KRT2: variants seen among roughly 807,000 people sequenced by gnomAD.
The protein encoded by KRT2 is keratin, type II cytoskeletal 2 epidermal.
KRT2 carries 37 observed loss-of-function variants against 48.5 expected under a neutral mutation model. The observed-to-expected ratio is 0.76, with a 90% CI of 0.59 to 1.00. The LOEUF (loss-of-function observed/expected upper bound fraction) is 1.00. KRT2 is among the 50% of genes least tolerant of loss of function. The pLI is 0.00. For synonymous variants in KRT2, 324 were observed against 312.2 expected (o/e 1.04, Z -0.40); for missense variants, 880 against 815.2 (o/e 1.08, Z -0.97).
In KRT2 at chr12:52,651,552, A is replaced by C. The variant is rs1460947563; in HGVS notation, c.585+6T>G. ...CATCAGTGGGAGCCGTCTTCTCCAG[A>C]GTCACCTTGTCAATGAAGGAGGCAA... On this transcript the variant is annotated splice_donor_region_variant and intron_variant, in intron 1 of 8. Coordinates refer to ENST00000309680, the MANE Select transcript of KRT2 (RefSeq NM_000423.3). 6.2e-7 allele frequency: 1 copy of C among 1,603,904 alleles called. No individual in the cohort carries two copies. Among genetic ancestry groups the C allele is most frequent in the Non-Finnish European group, 8.5e-7 (1 of 1,170,806 alleles).
intron 3 of KRT2, 120 bp from the exon 4 acceptor site, chr12:52,649,222 T>C: frequency 1.4e-6 from 1 of 731,486 alleles, no homozygotes; most frequent in Non-Finnish European, 2.5e-6. Context: ...CTCCCCAACC[T>C]GATCCCTGTC....
intron 1 of KRT2, 154 bp from the exon 2 acceptor site, chr12:52,650,707 C>A (rs565043046): frequency 7.1e-6 from 5 of 706,608 alleles, no homozygotes; most frequent in African/African-American, 5.2e-5. Context: ...TCTGAGCTCC[C>A]TGCTTTCGCC....
chr12:52,650,417 T>C lies in KRT2; in HGVS notation c.722A>G (p.Asp241Gly), dbSNP rs758284785. The C allele has an allele frequency of 6.2e-7, 1 of 1,614,234 alleles. No individual in the cohort carries two copies. Among genetic ancestry groups the C allele is most frequent in the East Asian group, 2.2e-5 (1 of 44,894 alleles). The change falls in exon 2 of 9, where the codon GAT (aspartate) becomes GGT (glycine). Residue 241 changes from aspartate to glycine, a missense_variant. Transcript: ENST00000309680. ...GYIDSLKRYL[D>G]GLTAERTSQN... ...TGATGTTCTTTCTGCAGTGAGCCCA[T>C]CCAGATATCTCTTGAGGCTGTCGAT...
chr12:52,644,964 A>T lies in KRT2; in HGVS notation c.*55T>A, dbSNP rs1258103052. The T allele has an allele frequency of 6.3e-7, 1 of 1,598,776 alleles. No individual in the cohort carries two copies. Among genetic ancestry groups the T allele is most frequent in the Non-Finnish European group, 8.6e-7 (1 of 1,166,380 alleles). ...TAGAGGTACAGAGACAGGCTTCTAC[A>T]TTCTGGAGTGGGAGAGTCTGGGTTG... On this transcript the variant is annotated 3_prime_UTR_variant, in exon 9 of 9. Coordinates refer to ENST00000309680, the MANE Select transcript of KRT2 (RefSeq NM_000423.3).
Position 52,644,941 on chromosome 12 carries a change from G to A in KRT2, c.*78C>T. ...CAAAAATTTAACTTGCTGCCAGTTA[G>A]AGGTACAGAGACAGGCTTCTACATT... On this transcript the variant is annotated 3_prime_UTR_variant, in exon 9 of 9. Coordinates refer to ENST00000309680, the MANE Select transcript of KRT2 (RefSeq NM_000423.3). 1 of 1,505,904 alleles carries A rather than the reference G, an allele frequency of 6.6e-7. No homozygotes were observed. Among genetic ancestry groups the A allele is most frequent in the African/African-American group, 1.4e-5 (1 of 72,260 alleles). 93.3% of individuals were successfully genotyped at this position (1,505,904 alleles called of 1,614,324 possible).
At chr12:52,648,383 C>A (rs776684204) in intron 4 of KRT2, 46 bp from the exon 5 acceptor site, 1 of 1,541,066 alleles carries the variant, frequency 6.5e-7, no homozygotes, top group Middle Eastern at 1.7e-4. Context: ...GCCATAGCTA[C>A]AGGCAGACAG....
At chr12:52,647,633 G>A (rs1941186952) in intron 6 of KRT2, 97 bp downstream of exon 6, 1 of 1,410,892 alleles carries the variant, frequency 7.1e-7, no homozygotes, top group Non-Finnish European at 9.9e-7. Context: ...ATATCTCAGT[G>A]TCTCTCATCT....
Position 52,650,487 on chromosome 12 carries a change from CA to C in KRT2, c.651del (p.Asn217LysfsTer38). 6.2e-7 allele frequency: 1 copy of C among 1,613,730 alleles called. No individual in the cohort carries two copies. Among genetic ancestry groups the C allele is most frequent in the South Asian group, 1.1e-5 (1 of 91,060 alleles). ...QTKWELLQQMNVGTRPINLEP... is the reference protein window; with the variant it reads ...QTKWELLQQMXVGTRPINLEP... ...TCCAGGTTGATGGGGCGGGTGCCAA[CA>C]TTCATTTGTTGTAGCAGCTCCCATT... On this transcript the variant is annotated frameshift_variant, in exon 2 of 9. Transcript: ENST00000309680. LOFTEE classifies it high-confidence loss of function.
intron 7 of KRT2, among the ~76,000 whole-genome samples, chr12:52,646,518 A>G (rs1487976794): frequency 6.6e-6 from 1 of 152,208 alleles, no homozygotes; most frequent in East Asian, 1.9e-4. Context: ...GCTTAGTTTA[A>G]TTTAATGTGC....
rs761668469 is a variant in KRT2, at chr12:52,648,142, C to A, written c.1122+31G>T. Reference sequence around the variant, plus strand: ...GTGCAACCCAGCTCATGGCAGGGAGCTGTGGCTCTTCCTACATTCCCTCTA... The same window carrying A: ...GTGCAACCCAGCTCATGGCAGGGAGATGTGGCTCTTCCTACATTCCCTCTA... On this transcript the variant is annotated intron_variant, in intron 5 of 8. Transcript: ENST00000309680. 6 of 1,612,214 alleles carry A rather than the reference C, an allele frequency of 3.7e-6. No homozygotes were observed. In the Admixed American group the frequency reaches 6.7e-5, roughly 18 times the overall value.
At chr12:52,650,621 C>T in intron 1 of KRT2, 68 bp from the exon 2 acceptor site, 3 of 1,338,820 alleles carry the variant, frequency 2.2e-6, no homozygotes, top group Non-Finnish European at 3.2e-6. Context: ...CCACGCTGGC[C>T]AGGGGCAGCT....
In KRT2 at chr12:52,645,117, A is replaced by G; in HGVS notation, c.1822T>C (p.Ser608Pro). The G allele has an allele frequency of 2.5e-6, 4 of 1,613,670 alleles. No individual in the cohort carries two copies. The highest frequency in any genetic ancestry group is 3.4e-6 in the Non-Finnish European group (4 of 1,179,924). ...CCTCCAGAGCCATATCCTCCTCCAG[A>G]GCTGGAGCCTCCTCTAGAGCCACCT... ...SGGGSRGGSSSGGGYGSGGGG... is the reference protein window; with the variant it reads ...SGGGSRGGSSPGGGYGSGGGG... Residue 608 changes from serine (S) to proline (P), a missense_variant, in exon 9 of 9, where the codon TCT (serine) becomes CCT (proline). Transcript: ENST00000309680.
chr12:52,645,241 G>A lies in KRT2; in HGVS notation c.1698C>T (p.Gly566=), dbSNP rs186531871. 5.0e-5 allele frequency: 81 copies of A among 1,613,086 alleles called. No homozygotes were observed. The highest frequency in any genetic ancestry group is 3.3e-4 in the Middle Eastern group (2 of 6,080). The change falls in exon 9 of 9, where the codon GGC becomes GGT. Residue 566 remains glycine (G), a synonymous_variant. Coordinates refer to ENST00000309680, the MANE Select transcript of KRT2 (RefSeq NM_000423.3). Reference sequence around the variant, plus strand: ...ATCCGTATCTTCCTCCAGAACCACCGCCAGAGCCATATCCTCCTCCAGAGA... The same window carrying A: ...ATCCGTATCTTCCTCCAGAACCACCACCAGAGCCATATCCTCCTCCAGAGA... ...GSISGGGYGS[G]GGSGGRYGSG... is the part of the protein sequence containing the mutation.
intron 1 of KRT2, among the ~76,000 whole-genome samples, chr12:52,650,905 A>G (rs1194821212): frequency 6.6e-6 from 1 of 152,210 alleles, no homozygotes; most frequent in Non-Finnish European, 1.5e-5. Flanking sequence ...GAAAGCAGCC[A>G]TCTGCTGGCA....
intron 4 of KRT2, 143 bp from the exon 5 acceptor site, chr12:52,648,480 T>C (rs917284653): frequency 5.1e-6 from 4 of 785,416 alleles, no homozygotes; most frequent in Non-Finnish European, 9.1e-6. Context: ...AACCGTCTAC[T>C]CCTGGGCCTC....
chr12:52,648,895 A>G, intron 4 of KRT2, 112 bp downstream of exon 4: 1 of 750,444 alleles, frequency 1.3e-6, no homozygotes, highest in South Asian at 1.4e-5. Context: ...TGGCAGATTG[A>G]AGTCAGCTGG....
intron 7 of KRT2, 24 bp from the exon 8 acceptor site, chr12:52,645,593 A>G: frequency 6.2e-7 from 1 of 1,613,358 alleles, no homozygotes; most frequent in South Asian, 1.1e-5. Flanking sequence ...AGAAAAAACA[A>G]GTTGTGGTGG....
intron 7 of KRT2, 47 bp downstream of exon 7, chr12:52,646,693 A>T: frequency 6.2e-7 from 1 of 1,603,114 alleles, no homozygotes; most frequent in African/African-American, 1.3e-5. Context: ...TCTGGGAGAG[A>T]TGAGAGGAAG....
chr12:52,648,671 G>A (rs1941204919), intron 4 of KRT2, among the ~76,000 whole-genome samples: 3 of 152,146 alleles, frequency 2.0e-5, no homozygotes, highest in African/African-American at 7.2e-5. Flanking sequence ...TGGGGAGGGG[G>A]ATAGGAGACA....
Sources: allele counts gnomAD v4.1 joint callset (sites outside exome capture counted in the v4.1 genomes callset), GRCh38; gene constraint gnomAD v4.1.1; transcripts MANE v1.5; gene names NCBI Gene and HGNC (gene_info 2026-07-23, HGNC 2026-07-21).